TACC3: variants seen among roughly 807,000 people sequenced by gnomAD.
The protein encoded by TACC3 is transforming acidic coiled-coil containing protein 3.
TACC3 carries 52 observed loss-of-function variants against 86.0 expected under a neutral mutation model. The ratio of observed to expected loss-of-function variants is 0.60; its 90% confidence interval spans 0.48 to 0.76. TACC3 has a LOEUF of 0.76. Ranked by LOEUF, TACC3 falls within the 30% of genes least tolerant of loss-of-function variation. The pLI is 0.00. For missense variants in TACC3, 1,120 were observed against 1,070.4 expected (o/e 1.05, Z -0.65); for synonymous variants, 512 against 430.0 (o/e 1.19, Z -2.36).
chr4:1,731,413 T>C (rs1204830257), intron 6 of TACC3, 112 bp downstream of exon 6: 43 of 1,320,466 alleles, frequency 3.3e-5, no homozygotes, highest in Non-Finnish European at 4.5e-5. Flanking sequence ...CGCAGGCAGT[T>C]GGGTCCCTTG....
chr4:1,743,031 A>G (rs1718669225), intron 13 of TACC3, among the ~76,000 whole-genome samples: 1 of 152,124 alleles, frequency 6.6e-6, no homozygotes, highest in Non-Finnish European at 1.5e-5. Context: ...TGGGAGGCCA[A>G]GGCGGGAGGA....
In TACC3 at chr4:1,723,889, G is replaced by A. The variant is rs1428832065; in HGVS notation, c.305+19G>A. On this transcript the variant is annotated intron_variant, in intron 3 of 15. Coordinates refer to ENST00000313288, the MANE Select transcript of TACC3 (RefSeq NM_006342.3). ...AAGAGAAGTAAGTGTTGGTGCTGCT[G>A]GACATGCTGGAGCTTCACCCTCTCT... 6.2e-7 allele frequency: 1 copy of A among 1,611,860 alleles called. No individual in the cohort carries two copies. The highest frequency in any genetic ancestry group is 1.7e-5 in the Admixed American group (1 of 59,960).
rs748669009 is a variant in TACC3, at chr4:1,740,898, C to A, written c.2135C>A (p.Thr712Asn). Residue 712 changes from threonine to asparagine, a missense_variant, in exon 13 of 16, where the codon ACC becomes AAC. Thr to Asn is a moderately conservative substitution (Grantham distance 65). Transcript: ENST00000313288. ...QKVLKEKDQL[T>N]TDLNSMEKSF... The stretch of plus-strand genomic sequence containing the variant: ...GTTCTAAAAGAAAAAGACCAACTTA[C>A]CACAGATCTGAACTCCATGGAGAAG... 1 of 1,613,196 alleles carries A rather than the reference C, an allele frequency of 6.2e-7. No homozygotes were observed. Among genetic ancestry groups the A allele is most frequent in the African/African-American group, 1.3e-5 (1 of 74,902 alleles).
At chr4:1,739,439 C>T (rs1438543616) in intron 10 of TACC3, 4 of 555,524 alleles carry the variant, frequency 7.2e-6, no homozygotes, top group African/African-American at 1.9e-5. Flanking sequence ...CAGGGACACA[C>T]ACCTGTTGGG....
upstream of TACC3, chr4:1,721,380 G>C (rs1717339974): frequency 6.6e-6 from 1 of 150,626 alleles, no homozygotes; most frequent in Non-Finnish European, 1.5e-5. Flanking sequence ...GCGGGGGGTG[G>C]GGGGGGAGGG....
In TACC3 at chr4:1,723,719, C is replaced by T; in HGVS notation, c.163-9C>T. The T allele has an allele frequency of 6.2e-7, 1 of 1,613,654 alleles. No homozygotes were observed. On this transcript the variant is annotated splice_polypyrimidine_tract_variant and intron_variant, in intron 2 of 15. Transcript: ENST00000313288. Reference sequence around the variant, plus strand: ...ATGAATAGGTGCTCTCCTCCTCACTCCGCAACAGGTGACTTTTCAGACACC... The same window carrying T: ...ATGAATAGGTGCTCTCCTCCTCACTTCGCAACAGGTGACTTTTCAGACACC...
chr4:1,728,946 C>T (rs1231268886), intron 4 of TACC3, among the ~76,000 whole-genome samples, 159 bp downstream of exon 4: 2 of 152,206 alleles, frequency 1.3e-5, no homozygotes, highest in South Asian at 2.1e-4. Context: ...GCTCAGGTGG[C>T]TCCCAGCTGA....
intron 13 of TACC3, 35 bp from the exon 14 acceptor site, chr4:1,744,483 C>A (rs530841665): frequency 6.3e-7 from 1 of 1,592,016 alleles, no homozygotes; most frequent in Non-Finnish European, 8.6e-7. Context: ...CAGCAGACGG[C>A]GTGGTACCCA....
intron 10 of TACC3, chr4:1,737,957 A>G (rs529502647): frequency 4.0e-5 from 24 of 596,070 alleles, no homozygotes; most frequent in Admixed American, 3.3e-4. Flanking sequence ...CGGCCTGGGC[A>G]TGGCGTTGGC....
chr4:1,729,907 G>A (rs1399503070), intron 4 of TACC3, among the ~76,000 whole-genome samples: 1 of 152,236 alleles, frequency 6.6e-6, no homozygotes, highest in Non-Finnish European at 1.5e-5. Flanking sequence ...TGGTGTTACC[G>A]CTAGACCAGG....
Position 1,728,212 on chromosome 4 carries a change from C to A in TACC3, c.810C>A (p.Gly270=). Reference sequence around the variant, plus strand: ...GAGCACCCCTGCAGGGTCTGCCTGGCGAAGCCCTGGGCTGCCCTGCGGGTG... The same window carrying A: ...GAGCACCCCTGCAGGGTCTGCCTGGAGAAGCCCTGGGCTGCCCTGCGGGTG... ...CGGAPLQGLP[G]EALGCPAGVG... is the part of the protein sequence containing the mutation. Residue 270 remains glycine (G), a synonymous_variant, in exon 4 of 16, where the codon GGC becomes GGA. Transcript: ENST00000313288. The A allele has an allele frequency of 1.2e-6, 2 of 1,611,758 alleles. No homozygotes were observed. Among genetic ancestry groups the A allele is most frequent in the Non-Finnish European group, 1.7e-6 (2 of 1,179,522 alleles).
In TACC3 at chr4:1,731,237, C is replaced by T; in HGVS notation, c.1527C>T (p.Pro509=). Residue 509 remains proline (P), a synonymous_variant, in exon 6 of 16, where the codon CCC becomes CCT. Coordinates refer to ENST00000313288, the MANE Select transcript of TACC3 (RefSeq NM_006342.3). The part of the protein sequence containing the change: ...PTSCPGSEPV[P]THQQGQPALE... ...GCTGTCCAGGCAGTGAGCCAGTGCCCACCCATCAGCAGGGGCAGCCTGCCT... is the reference window on the plus strand; with the variant it reads ...GCTGTCCAGGCAGTGAGCCAGTGCCTACCCATCAGCAGGGGCAGCCTGCCT... 1 of 1,613,364 alleles carries T rather than the reference C, an allele frequency of 6.2e-7. No homozygotes were observed. Among genetic ancestry groups the T allele is most frequent in the Non-Finnish European group, 8.5e-7 (1 of 1,179,984 alleles).
At position 1,728,554 on chromosome 4, in the gene TACC3, C is replaced by G. The variant is rs142679783; in HGVS notation, c.1152C>G (p.Asp384Glu). The G allele has an allele frequency of 3.7e-6, 6 of 1,613,930 alleles. No homozygotes were observed. The South Asian group carries it at 4.4e-5, about 12-fold the overall frequency. Residue 384 changes from aspartate to glutamate, a missense_variant, in exon 4 of 16, where the codon GAC (aspartate) becomes GAG (glutamate). By Grantham distance (45) the Asp-to-Glu change is conservative (BLOSUM62 2). Transcript: ENST00000313288. ...QQKAPQEVEE[D>E]DGRSGAGEDP... ...AGGCCCCGCAGGAGGTGGAGGAGGA[C>G]GACGGTAGGAGCGGAGCAGGAGAGG...
chr4:1,730,092 G>A (rs979515198), intron 4 of TACC3, among the ~76,000 whole-genome samples: 4 of 152,216 alleles, frequency 2.6e-5, no homozygotes, highest in Admixed American at 6.5e-5. Flanking sequence ...AGGCTGGAGC[G>A]CAGTGGCGTG....
At chr4:1,720,950 G>T (rs1717297221), upstream of TACC3, 1 of 841,784 alleles carries the variant, frequency 1.2e-6, no homozygotes, top group African/African-American at 1.8e-5. The surrounding 1 kb of genome is among the most constrained non-coding windows in gnomAD (Gnocchi z 4.4). Flanking sequence ...GGCCGCCCGC[G>T]GGGCACTCTA....
chr4:1,726,825 A>AT (rs1329803089), intron 3 of TACC3, among the ~76,000 whole-genome samples: 1 of 151,954 alleles, frequency 6.6e-6, no homozygotes, highest in African/African-American at 2.4e-5. Context: ...GCTCGAATGG[A>AT]TTTTTTACAG....
chr4:1,723,637 T>G (rs1577205085), intron 2 of TACC3, 54 bp downstream of exon 2: 1 of 1,609,192 alleles, frequency 6.2e-7, no homozygotes, highest in East Asian at 2.2e-5. Flanking sequence ...GGGCCTGCTT[T>G]CTTGGTGACC....
chr4:1,720,724 C>G (rs751061111), upstream of TACC3: 47 of 1,564,566 alleles, frequency 3.0e-5, no homozygotes, highest in Non-Finnish European at 4.1e-5. The surrounding 1 kb of genome is among the most constrained non-coding windows in gnomAD (Gnocchi z 4.4). Flanking sequence ...CCAGCCAGCC[C>G]GACAGCAGGT....
In TACC3 at chr4:1,728,150, T is replaced by C; in HGVS notation, c.748T>C (p.Ser250Pro). The stretch of plus-strand genomic sequence containing the variant: ...CTGTGCTCCCGCAGCAGTGGCCACT[T>C]CGCCTCCTGGTGCAATCCCTAAGGA... Reference protein sequence around the residue: ...GVCAPAAVATSPPGAIPKEAC... With the variant: ...GVCAPAAVATPPPGAIPKEAC... The change falls in exon 4 of 16, where the codon TCG becomes CCG. Residue 250 changes from serine (S) to proline (P), a missense_variant. Physicochemically the swap from Ser to Pro is moderately conservative, Grantham distance 74. Coordinates refer to ENST00000313288, the MANE Select transcript of TACC3 (RefSeq NM_006342.3). 6.2e-7 allele frequency: 1 copy of C among 1,611,660 alleles called. No individual in the cohort carries two copies. The highest frequency in any genetic ancestry group is 8.5e-7 in the Non-Finnish European group (1 of 1,179,432).
Sources: allele counts gnomAD v4.1 joint callset (sites outside exome capture counted in the v4.1 genomes callset), GRCh38; gene constraint gnomAD v4.1.1; non-coding constraint Gnocchi (gnomAD v3.1); transcripts MANE v1.5; gene names NCBI Gene and HGNC (gene_info 2026-07-23, HGNC 2026-07-21).